Variants in PIP4K2A observed in about 807,000 individuals in gnomAD.
PIP4K2A encodes the protein phosphatidylinositol-5-phosphate 4-kinase type 2 alpha.
Under a neutral mutation model 42.9 loss-of-function variants are expected in PIP4K2A, and 14 were observed. The ratio of observed to expected loss-of-function variants is 0.33; its 90% confidence interval spans 0.22 to 0.51. The LOEUF (loss-of-function observed/expected upper bound fraction) is 0.51. Among genes scored for constraint, PIP4K2A ranks in the 20% least tolerant of loss-of-function variants. The pLI is 0.97. For missense variants in PIP4K2A, 434 were observed against 519.8 expected, an observed-to-expected ratio of 0.83 and a Z score of 1.61; for synonymous variants, 192 against 192.2, an observed-to-expected ratio of 1.00 and a Z score of 0.01.
intron 3 of PIP4K2A, among the ~76,000 whole-genome samples, chr10:22,596,205 CAAAAA>C (rs10681238): frequency 5.7e-5 from 4 of 69,708 alleles, no homozygotes; most frequent in Non-Finnish European, 1.0e-4. Flanking sequence ...AACTCCGTCT[CAAAAA>C]AAAAAAAAAA....
chr10:22,677,283 T>C lies in PIP4K2A; in HGVS notation c.144+36900A>G, dbSNP rs144229761. On this transcript the variant is annotated intron_variant, in intron 1 of 9. Transcript: ENST00000376573. ...ACCCCTTCTGGAGACTGTATTATCATAGGGAATCAGACTGAGACTTAATGG... is the reference window on the plus strand; with the variant it reads ...ACCCCTTCTGGAGACTGTATTATCACAGGGAATCAGACTGAGACTTAATGG... Among the ~76,000 whole-genome samples, 1,398 of 152,252 alleles carry C rather than the reference T, an allele frequency of 9.2e-3. 11 individuals are homozygous for C. Among genetic ancestry groups the C allele is most frequent in the Non-Finnish European group, 0.013 (904 of 68,010 alleles).
At chr10:22,701,356 C>G (rs959461109) in intron 1 of PIP4K2A, among the ~76,000 whole-genome samples, 2 of 152,230 alleles carry the variant, frequency 1.3e-5, no homozygotes, top group African/African-American at 4.8e-5. Flanking sequence ...CATCCTTTGT[C>G]TGCTTGTTTA....
intron 1 of PIP4K2A, among the ~76,000 whole-genome samples, chr10:22,664,106 T>TATATATATACATATATATATATAC (rs1839277681): frequency 7.0e-5 from 5 of 71,272 alleles, no homozygotes; most frequent in African/African-American, 1.2e-4. Flanking sequence ...TATATATACA[T>TATATATATACATATATATATATAC]ATATATATAC....
chr10:22,685,188 T>A (rs757557529), intron 1 of PIP4K2A, among the ~76,000 whole-genome samples: 2 of 152,162 alleles, frequency 1.3e-5, no homozygotes, highest in Non-Finnish European at 2.9e-5. Flanking sequence ...TTACACAGCA[T>A]AAGAGATTAT....
chr10:22,620,702 G>A (rs1169169545), intron 1 of PIP4K2A, among the ~76,000 whole-genome samples: 2 of 152,202 alleles, frequency 1.3e-5, no homozygotes. Context: ...GTAGCTGTGG[G>A]GATACACCCT....
intron 1 of PIP4K2A, 53 bp downstream of exon 1, chr10:22,714,130 A>G: frequency 6.6e-7 from 1 of 1,526,380 alleles, no homozygotes; most frequent in Non-Finnish European, 8.9e-7. Context: ...GAGGGGAACG[A>G]GGAGGAAGAG....
chr10:22,579,436 A>G (rs997850715), intron 4 of PIP4K2A, among the ~76,000 whole-genome samples: 1 of 152,190 alleles, frequency 6.6e-6, no homozygotes, highest in Non-Finnish European at 1.5e-5. Context: ...TGCACTGATA[A>G]AGCTGATAAA....
At chr10:22,578,601 C>T (rs768529391) in intron 4 of PIP4K2A, among the ~76,000 whole-genome samples, 1 of 152,202 alleles carries the variant, frequency 6.6e-6, no homozygotes, top group Non-Finnish European at 1.5e-5. Flanking sequence ...GATGTCCTCT[C>T]ATCTTCTCTT....
chr10:22,615,771 T>C (rs1009111314), intron 1 of PIP4K2A, among the ~76,000 whole-genome samples: 2 of 152,196 alleles, frequency 1.3e-5, no homozygotes, highest in Non-Finnish European at 2.9e-5. Flanking sequence ...TTAATGGTTG[T>C]CAAATACTTA....
At position 22,591,610 on chromosome 10, in the gene PIP4K2A, A is replaced by G; in HGVS notation, c.492+19T>C. The G allele has an allele frequency of 6.3e-7, 1 of 1,584,716 alleles. No individual in the cohort carries two copies. The highest frequency in any genetic ancestry group is 8.6e-7 in the Non-Finnish European group (1 of 1,160,722). The stretch of plus-strand genomic sequence containing the variant: ...TGTTAATCTTCTTGGAGTTTCAAAT[A>G]AAGATCAAGAAAAATTACCTGGTGG... On this transcript the variant is annotated intron_variant, in intron 4 of 9. Coordinates refer to ENST00000376573, the MANE Select transcript of PIP4K2A (RefSeq NM_005028.5).
chr10:22,585,275 A>G (rs1837367909), intron 4 of PIP4K2A, among the ~76,000 whole-genome samples: 1 of 152,208 alleles, frequency 6.6e-6, no homozygotes, highest in South Asian at 2.1e-4. Context: ...TGTTTGCCCT[A>G]AAATCCTTGA....
chr10:22,611,113 G>A (rs1838025363), intron 1 of PIP4K2A, among the ~76,000 whole-genome samples: 1 of 152,162 alleles, frequency 6.6e-6, no homozygotes, highest in Admixed American at 6.5e-5. Context: ...ATACAGTTGG[G>A]CACAGCAGCT....
chr10:22,615,202 GCTCAAGCAGTC>G (rs1285236406), intron 1 of PIP4K2A, among the ~76,000 whole-genome samples: 1 of 152,132 alleles, frequency 6.6e-6, no homozygotes, highest in Non-Finnish European at 1.5e-5. Context: ...GAACTCCCAG[GCTCAAGCAGTC>G]CTCCTGCCTC....
chr10:22,552,205 G>A (rs1428998707), intron 6 of PIP4K2A, among the ~76,000 whole-genome samples: 1 of 152,188 alleles, frequency 6.6e-6, no homozygotes, highest in Non-Finnish European at 1.5e-5. Flanking sequence ...AATTTCTGCT[G>A]TAAAGGAGTT....
chr10:22,604,820 A>G (rs973478545), intron 3 of PIP4K2A, among the ~76,000 whole-genome samples: 3 of 152,352 alleles, frequency 2.0e-5, no homozygotes, highest in African/African-American at 7.2e-5. Flanking sequence ...CACATGTGCC[A>G]AATGATACCT....
At chr10:22,583,597 G>A (rs1837326424) in intron 4 of PIP4K2A, among the ~76,000 whole-genome samples, 1 of 152,226 alleles carries the variant, frequency 6.6e-6, no homozygotes, top group Non-Finnish European at 1.5e-5. Context: ...CAAAACCCTT[G>A]AAGGGTGCTG....
At position 22,536,229 on chromosome 10, in the gene PIP4K2A, G is replaced by A; in HGVS notation, c.*972C>T. 2.5e-6 allele frequency: 1 copy of A among 397,596 alleles called. No individual in the cohort carries two copies. The highest frequency in any genetic ancestry group is 4.4e-6 in the Non-Finnish European group (1 of 225,646). The allele number at this position is 397,596 out of a possible 1,614,324, so 24.6% of individuals were successfully genotyped here. A position where few individuals can be genotyped will look rare whatever the true frequency, so the allele number is the denominator to read the frequency against. On this transcript the variant is annotated 3_prime_UTR_variant, in exon 10 of 10. Coordinates refer to ENST00000376573, the MANE Select transcript of PIP4K2A (RefSeq NM_005028.5). ...TGGTAACAGGAGAATTGAGAGTTTT[G>A]ATGCTTTGCTGGTTTTCCCACAGTG... is the stretch of plus-strand genomic sequence containing the variant.
In PIP4K2A at chr10:22,609,587, G is replaced by A. The variant is rs201599661; in HGVS notation, c.242+33C>T. Reference sequence around the variant, plus strand: ...CAAAACTTGTACTCCTAGCAGCCACGCTAGTCTTATGAAAGGTCATACTTG... The same window carrying A: ...CAAAACTTGTACTCCTAGCAGCCACACTAGTCTTATGAAAGGTCATACTTG... On this transcript the variant is annotated intron_variant, in intron 2 of 9. Coordinates refer to ENST00000376573, the MANE Select transcript of PIP4K2A (RefSeq NM_005028.5). 3.2e-4 allele frequency: 388 copies of A among 1,200,404 alleles called. 1 individual carries two copies. The African/African-American group carries it at 5.4e-3, about 17-fold the overall frequency. 74.4% of individuals were successfully genotyped at this position (1,200,404 alleles called of 1,614,324 possible).
chr10:22,550,518 T>C lies in PIP4K2A; in HGVS notation c.792+141A>G. 3.3e-5 allele frequency: 22 copies of C among 670,324 alleles called. 2 individuals are homozygous for C. In the South Asian group the frequency reaches 3.4e-4, roughly 10 times the overall value. The allele number at this position is 670,324 out of a possible 1,614,324, so 41.5% of individuals were successfully genotyped here. ...ACCAGATCATGTAACATGAGACACC[T>C]TCATGTCTGACTTCCCTAAGGTAGA... is the stretch of plus-strand genomic sequence containing the variant. On this transcript the variant is annotated intron_variant, in intron 7 of 9. Transcript: ENST00000376573.
Sources: gnomAD v4.1 joint callset for allele counts (sites outside exome capture counted in the v4.1 genomes callset) on GRCh38, gnomAD v4.1.1 for gene constraint, MANE v1.5 for transcripts, NCBI Gene and HGNC (gene_info 2026-07-23, HGNC 2026-07-21) for gene names.